The following CD99L2 variants were observed in gnomAD, a reference collection of about 807,000 sequenced individuals.
CD99L2 encodes CD99 antigen-like protein 2.
Under a neutral mutation model 27.3 loss-of-function variants are expected in CD99L2, and 24 were observed. That is an observed-to-expected ratio of 0.88 (90% CI 0.64 to 1.24). The LOEUF (loss-of-function observed/expected upper bound fraction) is 1.24. Ranked by LOEUF, CD99L2 falls within the 50% of genes most tolerant of loss-of-function variation. CD99L2 has a pLI of 0.00. For missense variants in CD99L2, 255 were observed against 221.6 expected (o/e 1.15, Z -0.96); for synonymous variants, 97 against 87.9 (o/e 1.10, Z -0.58).
At chrX:150,772,187 G>A (rs1312096092) in intron 9 of CD99L2, among the ~76,000 whole-genome samples, 7 of 112,828 alleles carry the variant, frequency 6.2e-5, no homozygotes, top group South Asian at 7.3e-4. Flanking sequence ...ATTCTGGCCC[G>A]GGCCAGGTGC....
At chrX:150,841,586 T>C (rs1476501851) in intron 1 of CD99L2, among the ~76,000 whole-genome samples, 2 of 111,888 alleles carry the variant, frequency 1.8e-5, no homozygotes, top group Non-Finnish European at 3.8e-5. Context: ...ATTGCAAAAG[T>C]AGGTTCTCTG....
chrX:150,897,433 T>A (rs1486657359), intron 1 of CD99L2, among the ~76,000 whole-genome samples: 1 of 112,484 alleles, frequency 8.9e-6, no homozygotes, highest in African/African-American at 3.2e-5. Flanking sequence ...CATTTCTGCA[T>A]CTTTTGCAAA....
intron 2 of CD99L2, 30 bp from the exon 3 acceptor site, chrX:150,816,108 A>G (rs2046150806): frequency 4.3e-6 from 5 of 1,172,417 alleles, no homozygotes; most frequent in Middle Eastern, 2.4e-4. Context: ...CAGCAAGGGG[A>G]GCACGTTTAG....
intron 9 of CD99L2, among the ~76,000 whole-genome samples, chrX:150,771,627 G>C (rs1557419079): frequency 8.9e-6 from 1 of 112,271 alleles, no homozygotes; most frequent in East Asian, 2.8e-4. Context: ...GTGTCTGGCA[G>C]GTGGCATCCT....
intron 1 of CD99L2, among the ~76,000 whole-genome samples, 197 bp from the exon 2 acceptor site, chrX:150,831,490 TATAGGAA>T (rs2046443982): frequency 9.0e-6 from 1 of 111,707 alleles, no homozygotes; most frequent in Non-Finnish European, 1.9e-5. Flanking sequence ...AGCAAACTAC[TATAGGAA>T]CAGAAAATCA....
At chrX:150,892,943 G>A (rs2047542808) in intron 1 of CD99L2, among the ~76,000 whole-genome samples, 1 of 111,763 alleles carries the variant, frequency 8.9e-6, no homozygotes, top group African/African-American at 3.3e-5. Flanking sequence ...CCAACATGGC[G>A]AAACCCCGTC....
intron 1 of CD99L2, among the ~76,000 whole-genome samples, chrX:150,875,633 T>A (rs1557422298): frequency 8.9e-6 from 1 of 112,087 alleles, no homozygotes; most frequent in Non-Finnish European, 1.9e-5. Flanking sequence ...GTGTTTGATA[T>A]GGTTTGGCTG....
chrX:150,777,760 C>A (rs1403771308), intron 7 of CD99L2, among the ~76,000 whole-genome samples: 1 of 111,912 alleles, frequency 8.9e-6, no homozygotes, highest in Non-Finnish European at 1.9e-5. Context: ...TCTTTAGACA[C>A]AGTATTCTAT....
At chrX:150,851,584 A>C (rs2046793991) in intron 1 of CD99L2, among the ~76,000 whole-genome samples, 1 of 112,153 alleles carries the variant, frequency 8.9e-6, no homozygotes, top group Admixed American at 9.4e-5. Context: ...TAGTGGCTCA[A>C]AACAGGACAA....
Position 150,872,542 on chromosome X carries a change from TA to T in CD99L2, c.67+25979del, listed in dbSNP as rs782797816. ...GTGTGTAAATTATACCTCAATATGTTAAAAAAAAAAAAAAACTTAAGAACTA... is the reference window on the plus strand; with the variant it reads ...GTGTGTAAATTATACCTCAATATGTTAAAAAAAAAAAAAACTTAAGAACTA... On this transcript the variant is annotated intron_variant, in intron 1 of 10. Coordinates refer to ENST00000370377, the MANE Select transcript of CD99L2 (RefSeq NM_031462.4). Among the ~76,000 whole-genome samples, 315 of 83,889 alleles carry T rather than the reference TA, an allele frequency of 3.8e-3. 1 individual carries two copies. The highest frequency in any genetic ancestry group is 0.03 in the Middle Eastern group (5 of 165). The allele number at this position is 83,889 out of a possible 115,157, so 72.8% of individuals were successfully genotyped here. A position where few individuals can be genotyped will look rare whatever the true frequency, so the allele number is the denominator to read the frequency against.
intron 7 of CD99L2, among the ~76,000 whole-genome samples, chrX:150,787,557 A>G (rs1451223809): frequency 9.0e-6 from 1 of 110,673 alleles, no homozygotes; most frequent in African/African-American, 3.3e-5. Flanking sequence ...ATGAAATACT[A>G]TGCAGCCATA....
At chrX:150,838,532 C>A (rs781989640) in intron 1 of CD99L2, among the ~76,000 whole-genome samples, 8 of 110,313 alleles carry the variant, frequency 7.3e-5, no homozygotes, top group Non-Finnish European at 3.8e-5. Flanking sequence ...TTTAAAAAAT[C>A]AATTTCTTAT....
At chrX:150,854,209 C>T (rs181501571) in intron 1 of CD99L2, among the ~76,000 whole-genome samples, 2 of 111,460 alleles carry the variant, frequency 1.8e-5, no homozygotes, top group South Asian at 3.9e-4. Flanking sequence ...TCGCTCTACT[C>T]GTAAAACAAG....
chrX:150,781,330 G>A (rs782551480), intron 7 of CD99L2, among the ~76,000 whole-genome samples: 2 of 111,866 alleles, frequency 1.8e-5, no homozygotes, highest in African/African-American at 6.5e-5. Flanking sequence ...CTCCGAGCAC[G>A]CAGTCAGAAA....
chrX:150,831,423 C>T (rs1325415498), intron 1 of CD99L2, 130 bp from the exon 2 acceptor site: 1 of 515,604 alleles, frequency 1.9e-6, no homozygotes, highest in African/African-American at 2.4e-5. Flanking sequence ...AAATAGAAAC[C>T]CAAAGTGAGT....
chrX:150,862,045 A>G (rs782587558), intron 1 of CD99L2, among the ~76,000 whole-genome samples: 2 of 112,250 alleles, frequency 1.8e-5, no homozygotes, highest in African/African-American at 3.2e-5. Flanking sequence ...CTGAATCCCA[A>G]TAACAAGTTT....
At chrX:150,810,788 A>G (rs1440608526) in intron 4 of CD99L2, among the ~76,000 whole-genome samples, 1 of 112,516 alleles carries the variant, frequency 8.9e-6, no homozygotes, top group Non-Finnish European at 1.9e-5. Flanking sequence ...ATGACTTAAT[A>G]GAAATAAAAA....
chrX:150,858,976 A>G (rs2046933472), intron 1 of CD99L2, among the ~76,000 whole-genome samples: 1 of 111,803 alleles, frequency 8.9e-6, no homozygotes, highest in African/African-American at 3.2e-5. Context: ...AACCAAGAAG[A>G]AGAGAGAAGA....
At chrX:150,836,093 T>C (rs2046522580) in intron 1 of CD99L2, among the ~76,000 whole-genome samples, 1 of 112,074 alleles carries the variant, frequency 8.9e-6, no homozygotes, top group African/African-American at 3.2e-5. Flanking sequence ...AGCGTCCTAC[T>C]GAACTTGATA....
Sources: allele counts gnomAD v4.1 joint callset (sites outside exome capture counted in the v4.1 genomes callset), GRCh38; gene constraint gnomAD v4.1.1; transcripts MANE v1.5; gene names NCBI Gene and HGNC (gene_info 2026-07-23, HGNC 2026-07-21).